The following MBD5 variants were observed in gnomAD, a reference collection of about 807,000 sequenced individuals.
MBD5 encodes the protein methyl-CpG-binding domain protein 5.
A neutral mutation model predicts 117.3 loss-of-function variants in MBD5; 13 were observed. The ratio of observed to expected loss-of-function variants is 0.11; its 90% CI spans 0.07 to 0.18. The LOEUF (loss-of-function observed/expected upper bound fraction) is 0.18. Ranked by LOEUF, MBD5 falls within the 10% of genes least tolerant of loss-of-function variation. The probability of loss-of-function intolerance (pLI) is 1.00; values close to 1 mark genes in which losing one functional copy is unlikely to be tolerated. For missense variants in MBD5, 1,879 were observed against 2,093.8 expected (o/e 0.90, Z 2.00); for synonymous variants, 727 against 766.4 (o/e 0.95, Z 0.85).
chr2:148,290,018 C>T (rs576374161), intron 3 of MBD5, among the ~76,000 whole-genome samples: 1 of 146,884 alleles, frequency 6.8e-6, no homozygotes, highest in Admixed American at 6.9e-5. Flanking sequence ...TGCAGTAGCA[C>T]GATCTTAGCT....
chr2:148,077,774 G>A (rs978414869), intron 1 of MBD5, among the ~76,000 whole-genome samples: 3 of 152,224 alleles, frequency 2.0e-5, no homozygotes, highest in South Asian at 2.1e-4. Context: ...AGTTTTTGAG[G>A]AAAAATCTGC....
chr2:148,309,125 T>C (rs756735478), intron 3 of MBD5, among the ~76,000 whole-genome samples: 88 of 152,240 alleles, frequency 5.8e-4, no homozygotes, highest in Non-Finnish European at 1.1e-3. Context: ...AAGGATTGAC[T>C]TGGCTATATG....
chr2:148,278,210 A>T (rs549866114), intron 3 of MBD5, among the ~76,000 whole-genome samples: 5 of 152,236 alleles, frequency 3.3e-5, no homozygotes, highest in Admixed American at 2.6e-4. Context: ...TATTGTTATT[A>T]TGATATTGTG....
chr2:148,482,060 A>G (rs1681174001), intron 8 of MBD5, among the ~76,000 whole-genome samples: 1 of 152,182 alleles, frequency 6.6e-6, no homozygotes, highest in South Asian at 2.1e-4. Flanking sequence ...GTCAAAAATA[A>G]TGATAAATAG....
intron 3 of MBD5, among the ~76,000 whole-genome samples, chr2:148,238,668 T>C (rs995748588): frequency 1.3e-5 from 2 of 152,192 alleles, no homozygotes; most frequent in African/African-American, 2.4e-5. Context: ...AACTAAGTTG[T>C]TGGCAGAGCC....
At chr2:148,340,765 G>A (rs1390065843) in intron 3 of MBD5, among the ~76,000 whole-genome samples, 2 of 151,702 alleles carry the variant, frequency 1.3e-5, no homozygotes, top group Non-Finnish European at 2.9e-5. Flanking sequence ...ATATAACTGT[G>A]AGTAATATGC....
At chr2:148,136,118 C>T (rs1207473325) in intron 1 of MBD5, among the ~76,000 whole-genome samples, 1 of 152,120 alleles carries the variant, frequency 6.6e-6, no homozygotes, top group Non-Finnish European at 1.5e-5. Context: ...ATTAAAGCAT[C>T]AGGGACACAT....
At position 148,489,428 on chromosome 2, in the gene MBD5, A is replaced by C; in HGVS notation, c.3796A>C (p.Ser1266Arg). The C allele has an allele frequency of 6.2e-7, 1 of 1,614,160 alleles. No individual in the cohort carries two copies. Among genetic ancestry groups the C allele is most frequent in the Non-Finnish European group, 8.5e-7 (1 of 1,180,024 alleles). Residue 1266 changes from serine (S) to arginine (R), a missense_variant, in exon 11 of 14, where the codon AGC becomes CGC. Around this residue, in one of 4 missense-constraint regions of MBD5, gnomAD observed 1,666 missense variants for 1,792.2 expected, o/e 0.93. Transcript: ENST00000642680. ...EDAALLNKRISTQPGLTALPE... is the reference protein window; with the variant it reads ...EDAALLNKRIRTQPGLTALPE... ...TGCAGCTCTCCTAAACAAAAGAATA[A>C]GCACTCAGCCTGGGCTCACAGCACT...
chr2:148,390,890 A>T (rs10191789), intron 4 of MBD5, among the ~76,000 whole-genome samples: 76,339 of 152,096 alleles, frequency 0.5, 19,468 homozygotes, highest in East Asian at 0.75. Flanking sequence ...TACAAATTTT[A>T]AATAAAATAT....
intron 4 of MBD5, among the ~76,000 whole-genome samples, chr2:148,358,182 C>T (rs964003390): frequency 6.6e-6 from 1 of 152,058 alleles, no homozygotes; most frequent in Non-Finnish European, 1.5e-5. Context: ...GTATCTTTAA[C>T]TAGAAGTCAT....
At chr2:148,166,411 T>A (rs1275294343) in intron 1 of MBD5, among the ~76,000 whole-genome samples, 1 of 152,206 alleles carries the variant, frequency 6.6e-6, no homozygotes, top group East Asian at 1.9e-4. Flanking sequence ...CTAGACATGA[T>A]AAAAATCAGG....
intron 4 of MBD5, among the ~76,000 whole-genome samples, chr2:148,362,180 G>A (rs1478898397): frequency 2.0e-5 from 3 of 152,224 alleles, no homozygotes; most frequent in Non-Finnish European, 4.4e-5. Flanking sequence ...AGGGAGCCAA[G>A]TGGTCTAGCT....
rs979900078 is a variant in MBD5, at chr2:148,021,127, T to A, written c.-1482T>A. ...CCCCAGCAGCAGCAGCAGCTGATGA[T>A]GAAGAGAGAGGCAGTGGCAGAGGGG... On this transcript the variant is annotated 5_prime_UTR_variant, in exon 1 of 14. The change abolishes an upstream ATG in the 5' untranslated region. Coordinates refer to ENST00000642680, the MANE Select transcript of MBD5 (RefSeq NM_001378120.1). The A allele has an allele frequency of 6.7e-6, 1 of 149,760 alleles. No homozygotes were observed. Among genetic ancestry groups the A allele is most frequent in the Non-Finnish European group, 1.5e-5 (1 of 67,922 alleles). 9.3% of individuals were successfully genotyped at this position (149,760 alleles called of 1,614,324 possible).
At position 148,369,266 on chromosome 2, in the gene MBD5, G is replaced by A. The variant is rs534959385; in HGVS notation, c.-557+26930G>A. Among the ~76,000 whole-genome samples the A allele has an allele frequency of 2.6e-5, 4 of 151,744 alleles. No homozygotes were observed. The East Asian group carries it at 5.8e-4, about 22-fold the overall frequency. On this transcript the variant is annotated intron_variant, in intron 4 of 13. Coordinates refer to ENST00000642680, the MANE Select transcript of MBD5 (RefSeq NM_001378120.1). ...AACTGAAGACACTTAACAACTAAAT[G>A]TCATGTGATAATTGATTGGTTCTTG...
chr2:148,354,175 A>G (rs1703314698), intron 4 of MBD5, among the ~76,000 whole-genome samples: 1 of 152,158 alleles, frequency 6.6e-6, no homozygotes, highest in African/African-American at 2.4e-5. Flanking sequence ...TACATGTGCC[A>G]TGGTGGTTTG....
chr2:148,394,367 T>C (rs1447693685), intron 4 of MBD5, among the ~76,000 whole-genome samples: 1 of 152,136 alleles, frequency 6.6e-6, no homozygotes, highest in Non-Finnish European at 1.5e-5. Flanking sequence ...TTAATTTCTT[T>C]ATTTCTTATT....
chr2:148,344,798 A>C (rs1017896001), intron 4 of MBD5, among the ~76,000 whole-genome samples: 3 of 151,954 alleles, frequency 2.0e-5, no homozygotes, highest in Non-Finnish European at 4.4e-5. Flanking sequence ...ATTCCAATTA[A>C]AGGTTATAAC....
intron 1 of MBD5, among the ~76,000 whole-genome samples, chr2:148,128,633 G>T (rs1295958496): frequency 1.3e-5 from 2 of 152,134 alleles, no homozygotes; most frequent in Non-Finnish European, 2.9e-5. Flanking sequence ...TTAAAAAGCA[G>T]TTGGTAATCT....
chr2:148,290,237 C>T (rs770597848), intron 3 of MBD5, among the ~76,000 whole-genome samples: 1 of 149,978 alleles, frequency 6.7e-6, no homozygotes, highest in Non-Finnish European at 1.5e-5. Flanking sequence ...GGATTATAGG[C>T]GTGAGTCACC....
Sources: allele counts gnomAD v4.1 joint callset (sites outside exome capture counted in the v4.1 genomes callset), GRCh38; gene constraint gnomAD v4.1.1; regional missense constraint gnomAD v4.1.1; transcripts MANE v1.5; gene names NCBI Gene and HGNC (gene_info 2026-07-23, HGNC 2026-07-21).